The following CCDC175 variants were observed in gnomAD, a reference collection of about 807,000 sequenced individuals.
CCDC175 encodes the protein coiled-coil domain-containing protein 175.
Under a neutral mutation model 114.6 loss-of-function variants are expected in CCDC175, and 100 were observed. The ratio of observed to expected loss-of-function variants is 0.87; its 90% CI spans 0.74 to 1.03. CCDC175 has a LOEUF of 1.03. Among genes scored for constraint, CCDC175 ranks in the 50% least tolerant of loss-of-function variants. CCDC175 has a pLI of 0.00. For synonymous variants in CCDC175, 306 were observed against 308.7 expected (o/e 0.99, Z 0.09); for missense variants, 880 against 917.8 (o/e 0.96, Z 0.53).
intron 8 of CCDC175, 118 bp from the exon 9 acceptor site, chr14:59,545,417 G>A: frequency 1.4e-6 from 1 of 721,840 alleles, no homozygotes; most frequent in Non-Finnish European, 2.2e-6. Context: ...CCGTGAATAT[G>A]CCATAAATGC....
At chr14:59,538,954 T>C in intron 11 of CCDC175, 114 bp from the exon 12 acceptor site, 1 of 944,500 alleles carries the variant, frequency 1.1e-6, no homozygotes, top group East Asian at 2.7e-5. Flanking sequence ...TTGTTTGTGC[T>C]ATTAGTGTTG....
At chr14:59,517,020 C>T (rs1179456368) in intron 17 of CCDC175, among the ~76,000 whole-genome samples, 1 of 152,174 alleles carries the variant, frequency 6.6e-6, no homozygotes, top group African/African-American at 2.4e-5. Flanking sequence ...TCAACAGACA[C>T]AAATCAATAA....
chr14:59,515,190 T>C (rs7152793), intron 17 of CCDC175, among the ~76,000 whole-genome samples: 68,793 of 151,994 alleles, frequency 0.45, 16,552 homozygotes, highest in African/African-American at 0.61. Context: ...AAGGAACAAC[T>C]GGTACCAGCC....
intron 12 of CCDC175, 22 bp from the exon 13 acceptor site, chr14:59,538,176 T>C: frequency 6.6e-7 from 1 of 1,526,366 alleles, no homozygotes; most frequent in Non-Finnish European, 8.8e-7. Flanking sequence ...AAAATAAGAA[T>C]TTGTCATTTC....
chr14:59,535,872 G>A (rs180859511), intron 13 of CCDC175, among the ~76,000 whole-genome samples: 139 of 152,234 alleles, frequency 9.1e-4, no homozygotes, highest in African/African-American at 2.8e-3. Context: ...GGCTCCTTCA[G>A]GGTCAGCTCA....
At chr14:59,563,265 T>A (rs1896325382) in intron 6 of CCDC175, among the ~76,000 whole-genome samples, 1 of 152,190 alleles carries the variant, frequency 6.6e-6, no homozygotes, top group South Asian at 2.1e-4. Flanking sequence ...TTGACAGAAG[T>A]ACAGAGCTCT....
intron 7 of CCDC175, among the ~76,000 whole-genome samples, chr14:59,558,682 G>A (rs538988010): frequency 6.6e-6 from 1 of 152,104 alleles, no homozygotes; most frequent in East Asian, 1.9e-4. Context: ...GTCTGTTCAG[G>A]ACATGTTATA....
chr14:59,575,133 TCA>T, intron 1 of CCDC175, 105 bp from the exon 2 acceptor site: 1 of 580,742 alleles, frequency 1.7e-6, no homozygotes, highest in Non-Finnish European at 3.0e-6. Context: ...AGTTACATCT[TCA>T]GTCTCTGAAT....
At chr14:59,521,545 A>T in intron 17 of CCDC175, 29 bp downstream of exon 17, 4 of 1,263,058 alleles carry the variant, frequency 3.2e-6, no homozygotes, top group Middle Eastern at 1.8e-4. Flanking sequence ...AAGAACCCTG[A>T]CTAATACAAG....
chr14:59,533,946 G>A (rs1252919049), intron 13 of CCDC175, among the ~76,000 whole-genome samples: 3 of 144,290 alleles, frequency 2.1e-5, no homozygotes, highest in Admixed American at 7.2e-5. Context: ...CCTAGATCGC[G>A]CCACTGCACT....
At chr14:59,545,108 G>C in intron 9 of CCDC175, 55 bp downstream of exon 9, 2 of 1,483,528 alleles carry the variant, frequency 1.3e-6, no homozygotes, top group Admixed American at 4.4e-5. Flanking sequence ...TTGATAGCAA[G>C]AAAAGCACCC....
At chr14:59,554,686 T>A (rs1295691062) in intron 7 of CCDC175, among the ~76,000 whole-genome samples, 3 of 152,042 alleles carry the variant, frequency 2.0e-5, no homozygotes, top group African/African-American at 7.2e-5. Flanking sequence ...AGCTGGTTTT[T>A]TGAAAAGATC....
intron 9 of CCDC175, 36 bp from the exon 10 acceptor site, chr14:59,543,490 A>C (rs1024268593): frequency 3.9e-6 from 3 of 771,346 alleles, no homozygotes; most frequent in Non-Finnish European, 5.9e-6. Flanking sequence ...TTGAAGGCTG[A>C]CATAAATATG....
chr14:59,562,548 T>C (rs1896283671), intron 6 of CCDC175, among the ~76,000 whole-genome samples: 1 of 152,142 alleles, frequency 6.6e-6, no homozygotes, highest in African/African-American at 2.4e-5. Flanking sequence ...GAGACTCAAG[T>C]TTGTGCTTCC....
chr14:59,519,271 C>A (rs1014197600), intron 17 of CCDC175, among the ~76,000 whole-genome samples: 15 of 151,964 alleles, frequency 9.9e-5, no homozygotes, highest in Non-Finnish European at 1.8e-4. Flanking sequence ...ACATATGTAA[C>A]TAACCTGCAC....
At position 59,570,945 on chromosome 14, in the gene CCDC175, G is replaced by T. The variant is rs367835514; in HGVS notation, c.355+1757C>A. ...TTTAGTAGAGATGGGGTTTCACTATGTTGGCCAGGCTGGTCTCAAACTCCT... is the reference window on the plus strand; with the variant it reads ...TTTAGTAGAGATGGGGTTTCACTATTTTGGCCAGGCTGGTCTCAAACTCCT... On this transcript the variant is annotated intron_variant, in intron 3 of 19. Transcript: ENST00000537690. Among the ~76,000 whole-genome samples the T allele has an allele frequency of 1.3e-4, 20 of 152,098 alleles. 2 individuals are homozygous for T. The highest frequency in any genetic ancestry group is 7.9e-4 in the Admixed American group (12 of 15,276).
chr14:59,513,889 C>A (rs763456201), intron 17 of CCDC175, among the ~76,000 whole-genome samples: 45 of 152,276 alleles, frequency 3.0e-4, no homozygotes, highest in Non-Finnish European at 5.1e-4. Flanking sequence ...CCTTGACCCC[C>A]GAGTAGCGTA....
At chr14:59,560,411 G>T (rs1048900141) in intron 7 of CCDC175, among the ~76,000 whole-genome samples, 7 of 152,110 alleles carry the variant, frequency 4.6e-5, no homozygotes, top group Non-Finnish European at 7.4e-5. Context: ...AGAGCTGATT[G>T]GATCAGGAAC....
intron 3 of CCDC175, 64 bp downstream of exon 3, chr14:59,572,638 T>C (rs2140133386): frequency 1.1e-6 from 1 of 870,456 alleles, no homozygotes; most frequent in Non-Finnish European, 1.7e-6. Flanking sequence ...ACTTATCTTG[T>C]TGAAAGTACT....
Sources: allele counts gnomAD v4.1 joint callset (sites outside exome capture counted in the v4.1 genomes callset), GRCh38; gene constraint gnomAD v4.1.1; transcripts MANE v1.5; gene names NCBI Gene and HGNC (gene_info 2026-07-23, HGNC 2026-07-21).